OGDHL: variants seen among roughly 807,000 people sequenced by gnomAD.
OGDHL encodes oxoglutarate dehydrogenase L, also known as 2-oxoglutarate dehydrogenase-like, mitochondrial.
In OGDHL, 79 loss-of-function variants were observed where a neutral mutation model predicts 109.6. The observed-to-expected ratio is 0.72, with a 90% CI of 0.60 to 0.87. The LOEUF (loss-of-function observed/expected upper bound fraction) is 0.87. Among genes scored for constraint, OGDHL ranks in the 40% least tolerant of loss-of-function variants. The pLI is 0.00. For synonymous variants in OGDHL, 528 were observed against 537.2 expected (o/e 0.98, Z 0.24); for missense variants, 1,275 against 1,362.2 (o/e 0.94, Z 1.01).
chr10:49,757,757 A>G (rs904808460), intron 2 of OGDHL, among the ~76,000 whole-genome samples: 1 of 152,230 alleles, frequency 6.6e-6, no homozygotes, highest in African/African-American at 2.4e-5. Context: ...GGAGCAAAAC[A>G]GTATGTGTTA....
chr10:49,757,186 T>C (rs1234555094), intron 2 of OGDHL, among the ~76,000 whole-genome samples: 2 of 152,244 alleles, frequency 1.3e-5, no homozygotes, highest in Admixed American at 1.3e-4. Context: ...CGATTTTACA[T>C]TTAGAATCTG....
chr10:49,734,882 C>A lies in OGDHL; in HGVS notation c.*346G>T. On this transcript the variant is annotated 3_prime_UTR_variant, in exon 23 of 23. Coordinates refer to ENST00000374103, the MANE Select transcript of OGDHL (RefSeq NM_018245.3). ...AGATAAGCGAGGGTGGGGCGAGCAG[C>A]AGCCAGGGCTGCCGGGATGGGAGCG... 1 of 183,624 alleles carries A rather than the reference C, an allele frequency of 5.4e-6. No individual in the cohort carries two copies. The highest frequency in any genetic ancestry group is 1.1e-5 in the Non-Finnish European group (1 of 89,090). The allele number at this position is 183,624 out of a possible 1,614,324, so 11.4% of individuals were successfully genotyped here.
chr10:49,761,029 C>T (rs1322828948), intron 1 of OGDHL, among the ~76,000 whole-genome samples: 1 of 152,234 alleles, frequency 6.6e-6, no homozygotes. Flanking sequence ...CTTGACCCAG[C>T]CTGGCAGGAG....
At chr10:49,742,457 G>A (rs1292826359) in intron 15 of OGDHL, among the ~76,000 whole-genome samples, 14 of 2,520 alleles carry the variant, frequency 5.6e-3, no homozygotes, top group African/African-American at 0.01. Context: ...CCACACACAC[G>A]CACCACACAC....
rs1196232213 is a variant in OGDHL, at chr10:49,748,695, G to C, written c.987+1031C>G. Among the ~76,000 whole-genome samples the C allele has an allele frequency of 2.0e-5, 3 of 149,082 alleles. No individual in the cohort carries two copies. The East Asian group carries it at 6.0e-4, about 30-fold the overall frequency. On this transcript the variant is annotated intron_variant, in intron 8 of 22. Transcript: ENST00000374103. ...AAGGCTGAAGGTGCTAGAACAAAAG[G>C]AACAGGATGTCAGAAAGACCTGGGA...
rs377262070 is a variant in OGDHL at position 49,735,264 on chromosome 10, G to A, written c.2997C>T (p.Ala999=). 8.7e-6 allele frequency: 14 copies of A among 1,614,028 alleles called. No homozygotes were observed. In the African/African-American group the frequency reaches 1.9e-4, roughly 22 times the overall value. The change falls in exon 23 of 23, where the codon GCC becomes GCT. Residue 999 remains alanine, a synonymous_variant. Coordinates refer to ENST00000374103, the MANE Select transcript of OGDHL (RefSeq NM_018245.3). The part of the protein sequence containing the change: ...LVSLKKFLDT[A]FNLQAFEGKT... ...TGCCCTCAAAGGCCTGGAGATTGAA[G>A]GCAGTATCCAGAAACTTCTTCAGTG...
Position 49,740,821 on chromosome 10 carries a change from G to A in OGDHL, c.2029C>T (p.Leu677Phe), listed in dbSNP as rs941592959. Reference sequence around the variant, plus strand: ...CTGCGGTCAACCTCCTGGTCATGGAGAACATGGTGCCGGTGACTGCAGAGA... The same window carrying A: ...CTGCGGTCAACCTCCTGGTCATGGAAAACATGGTGCCGGTGACTGCAGAGA... ...RGTFSHRHHV[L>F]HDQEVDRRTC... is the part of the protein sequence containing the mutation. The change falls in exon 16 of 23, where the codon CTC becomes TTC. Residue 677 changes from leucine (L) to phenylalanine (F), a missense_variant. By Grantham distance (22) the Leu-to-Phe change is conservative (BLOSUM62 0). Transcript: ENST00000374103. 2 of 1,613,912 alleles carry A rather than the reference G, an allele frequency of 1.2e-6. No homozygotes were observed. Among genetic ancestry groups the A allele is most frequent in the Non-Finnish European group, 1.7e-6 (2 of 1,179,838 alleles).
chr10:49,750,738 G>C, intron 7 of OGDHL, 101 bp downstream of exon 7: 1 of 1,416,254 alleles, frequency 7.1e-7, no homozygotes. Context: ...CTACCCCCAG[G>C]TCCCACCAAC....
intron 22 of OGDHL, 32 bp from the exon 23 acceptor site, chr10:49,735,383 C>T (rs1231335229): frequency 3.2e-5 from 51 of 1,603,432 alleles, no homozygotes; most frequent in Non-Finnish European, 4.0e-5. Context: ...AAGGGGAAGG[C>T]GGGGCCTAGC....
chr10:49,754,474 C>T (rs552220722), intron 3 of OGDHL, among the ~76,000 whole-genome samples: 2 of 152,186 alleles, frequency 1.3e-5, no homozygotes, highest in Non-Finnish European at 2.9e-5. Flanking sequence ...GTCTTTCCTA[C>T]ACAATCTGCA....
At chr10:49,746,723 G>T (rs754455902) in intron 10 of OGDHL, 27 bp downstream of exon 10, 1 of 1,610,306 alleles carries the variant, frequency 6.2e-7, no homozygotes, top group Admixed American at 1.7e-5. Context: ...GACGCTGTGA[G>T]GCCCAGCGTG....
intron 15 of OGDHL, among the ~76,000 whole-genome samples, 192 bp from the exon 16 acceptor site, chr10:49,741,029 C>A (rs1328367734): frequency 6.6e-6 from 1 of 152,086 alleles, no homozygotes; most frequent in Non-Finnish European, 1.5e-5. Context: ...TGCAGCCTGT[C>A]CCCCACCAGG....
intron 3 of OGDHL, among the ~76,000 whole-genome samples, chr10:49,753,780 C>T (rs188807712): frequency 6.6e-6 from 1 of 150,850 alleles, no homozygotes; most frequent in African/African-American, 2.4e-5. Flanking sequence ...ATCCCAGCTA[C>T]TTGGGAGGAT....
intron 3 of OGDHL, among the ~76,000 whole-genome samples, chr10:49,753,188 A>G (rs1315414950): frequency 1.3e-5 from 2 of 152,358 alleles, no homozygotes; most frequent in East Asian, 3.9e-4. Flanking sequence ...AAATTCTAGC[A>G]AAGTATGTAT....
chr10:49,751,578 C>A (rs1267946899), intron 6 of OGDHL, among the ~76,000 whole-genome samples: 1 of 152,218 alleles, frequency 6.6e-6, no homozygotes, highest in African/African-American at 2.4e-5. Context: ...TCTGGCCTTG[C>A]TCAGTGTCCC....
At chr10:49,735,904 A>G (rs894045022) in intron 22 of OGDHL, 119 bp downstream of exon 22, 14 of 1,137,702 alleles carry the variant, frequency 1.2e-5, no homozygotes, top group Non-Finnish European at 1.7e-5. Flanking sequence ...ATGCCCCATC[A>G]TTGCTCATCA....
At position 49,760,341 on chromosome 10, in the gene OGDHL, C is replaced by G. The variant is rs1843196333; in HGVS notation, c.-1-1748G>C. ...CGCGGGGCACTTGGGGCCGGCTCCT[C>G]TGGGAGCAGCACCTCTCCAAGTGCC... On this transcript the variant is annotated intron_variant, in intron 1 of 22. Coordinates refer to ENST00000374103, the MANE Select transcript of OGDHL (RefSeq NM_018245.3). 3.9e-5 allele frequency among the ~76,000 whole-genome samples: 6 copies of G among 152,316 alleles called. No individual in the cohort carries two copies. The South Asian group carries it at 1.2e-3, about 32-fold the overall frequency.
intron 3 of OGDHL, among the ~76,000 whole-genome samples, chr10:49,753,666 G>A (rs942660532): frequency 3.3e-5 from 5 of 152,112 alleles, no homozygotes; most frequent in African/African-American, 1.2e-4. Context: ...TAAGATGGGT[G>A]GATCACCTGA....
At chr10:49,754,577 T>G (rs1019220351) in intron 3 of OGDHL, among the ~76,000 whole-genome samples, 4 of 152,088 alleles carry the variant, frequency 2.6e-5, no homozygotes, top group Admixed American at 2.0e-4. Context: ...CATATCACCA[T>G]TTTTGCAACC....
Sources: allele counts gnomAD v4.1 joint callset (sites outside exome capture counted in the v4.1 genomes callset), GRCh38; gene constraint gnomAD v4.1.1; transcripts MANE v1.5; gene names NCBI Gene and HGNC (gene_info 2026-07-23, HGNC 2026-07-21).